The following TGM3 variants were observed in gnomAD, a reference collection of about 807,000 sequenced individuals.
TGM3 encodes the protein transglutaminase 3, also known as protein-glutamine gamma-glutamyltransferase E.
A neutral mutation model predicts 73.8 loss-of-function variants in TGM3; 52 were observed. The observed-to-expected ratio is 0.70, with a 90% CI of 0.56 to 0.89. The LOEUF is 0.89. Ranked by LOEUF, TGM3 falls within the 40% of genes least tolerant of loss-of-function variation. TGM3 has a pLI of 0.00. For missense variants in TGM3, 928 were observed against 909.9 expected (o/e 1.02, Z -0.26); for synonymous variants, 372 against 354.9 (o/e 1.05, Z -0.54).
chr20:2,316,403 A>G (rs2084233093), intron 5 of TGM3, among the ~76,000 whole-genome samples: 2 of 145,012 alleles, frequency 1.4e-5, no homozygotes, highest in East Asian at 2.1e-4. Context: ...CGTCTCTATT[A>G]AAAATACAAA....
At chr20:2,316,518 C>T (rs546250273) in intron 5 of TGM3, among the ~76,000 whole-genome samples, 3 of 151,916 alleles carry the variant, frequency 2.0e-5, no homozygotes, top group East Asian at 1.9e-4. Flanking sequence ...GCCAAGATCA[C>T]GCCACTGCAC....
At position 2,312,528 on chromosome 20, in the gene TGM3, G is replaced by A. The variant is rs148418745; in HGVS notation, c.541-370G>A. Among the ~76,000 whole-genome samples, 31 of 152,190 alleles carry A rather than the reference G, an allele frequency of 2.0e-4. No individual in the cohort carries two copies. The East Asian group carries it at 6.0e-3, about 29-fold the overall frequency. On this transcript the variant is annotated intron_variant, in intron 4 of 12. Transcript: ENST00000381458. ...TAAACAGCTTGCTCTTGAGGTTTGT[G>A]GCAGCCGGGGCGTCGGCTAGACCAA...
intron 9 of TGM3, 106 bp from the exon 10 acceptor site, chr20:2,331,896 A>C: frequency 7.5e-7 from 1 of 1,326,732 alleles, no homozygotes; most frequent in East Asian, 2.3e-5. Context: ...CTAGGGCAGC[A>C]ATGGAGCCAG....
intron 1 of TGM3, 88 bp from the exon 2 acceptor site, chr20:2,309,569 C>T: frequency 7.0e-7 from 1 of 1,434,922 alleles, no homozygotes; most frequent in Non-Finnish European, 9.6e-7. Context: ...AGCCTCACCC[C>T]AAAGCTGCTC....
intron 8 of TGM3, among the ~76,000 whole-genome samples, 172 bp from the exon 9 acceptor site, chr20:2,327,948 C>T (rs755387404): frequency 2.2e-4 from 34 of 152,118 alleles, no homozygotes; most frequent in Non-Finnish European, 3.7e-4. Flanking sequence ...AGAATCATAG[C>T]CCGGGAGGGT....
intron 11 of TGM3, among the ~76,000 whole-genome samples, chr20:2,338,702 A>G (rs2084364009): frequency 6.6e-6 from 1 of 152,256 alleles, no homozygotes; most frequent in African/African-American, 2.4e-5. Context: ...ATTAGTGACA[A>G]GAAAAACAAA....
chr20:2,316,738 A>C (rs1241367054), intron 5 of TGM3, among the ~76,000 whole-genome samples: 1 of 152,172 alleles, frequency 6.6e-6, no homozygotes, highest in Non-Finnish European at 1.5e-5. Flanking sequence ...AGTCCTCTGC[A>C]AGCTGGAGTT....
rs76264412 is a variant in TGM3 at position 2,334,140 on chromosome 20, G to C, written c.1643-976G>C. 6.6e-6 allele frequency among the ~76,000 whole-genome samples: 1 copy of C among 152,172 alleles called. No individual in the cohort carries two copies. Among genetic ancestry groups the C allele is most frequent in the Non-Finnish European group, 1.5e-5 (1 of 68,022 alleles). ...AGGGTCAGAAGAGAGGACTTAAAGC[G>C]TGGGGAAGGAGCCGGATGCATGGAG... On this transcript the variant is annotated intron_variant, in intron 10 of 12. Coordinates refer to ENST00000381458, the MANE Select transcript of TGM3 (RefSeq NM_003245.4). This position sits in a 1 kb window ranked among gnomAD's most constrained non-coding sequence, Gnocchi z 4.0.
At chr20:2,308,661 C>T (rs559546220) in intron 1 of TGM3, among the ~76,000 whole-genome samples, 1 of 152,302 alleles carries the variant, frequency 6.6e-6, no homozygotes, top group East Asian at 1.9e-4. Context: ...ATTGCTAGGC[C>T]TAGAAACACT....
rs57369938 is a variant in TGM3 at position 2,312,396 on chromosome 20, C to CAAAAAAAA, written c.541-484_541-477dup. On this transcript the variant is annotated intron_variant, in intron 4 of 12. Transcript: ENST00000381458. ...TGGGTGACAGAGCAAGACTCCGTCT[C>CAAAAAAAA]AAAAAAAAAAAAAAAAAAAAAAAAA... 5.0e-5 allele frequency among the ~76,000 whole-genome samples: 3 copies of CAAAAAAAA among 60,476 alleles called. 1 individual carries two copies. The highest frequency in any genetic ancestry group is 8.8e-5 in the Non-Finnish European group (3 of 33,972). The allele number at this position is 60,476 out of a possible 152,430, so 39.7% of individuals were successfully genotyped here.
chr20:2,307,235 G>A (rs977811673), intron 1 of TGM3, among the ~76,000 whole-genome samples: 4 of 152,078 alleles, frequency 2.6e-5, no homozygotes, highest in African/African-American at 9.7e-5. Context: ...TCTCTCCAGT[G>A]GCAGGTTGGC....
rs1348379342 is a variant in TGM3 at position 2,328,694 on chromosome 20, C to G, written c.1333+329C>G. On this transcript the variant is annotated intron_variant, in intron 9 of 12. Transcript: ENST00000381458. This position sits in a 1 kb window ranked among gnomAD's most constrained non-coding sequence, Gnocchi z 5.2. Reference sequence around the variant, plus strand: ...GAACATCACAGGGAGAGACATGGCCCCCATGAAAGGCCCCCAAGGGCTTTG... The same window carrying G: ...GAACATCACAGGGAGAGACATGGCCGCCATGAAAGGCCCCCAAGGGCTTTG... Among the ~76,000 whole-genome samples the G allele has an allele frequency of 1.3e-5, 2 of 152,224 alleles. No individual in the cohort carries two copies. Among genetic ancestry groups the G allele is most frequent in the African/African-American group, 4.8e-5 (2 of 41,444 alleles).
At chr20:2,340,308 G>A in intron 12 of TGM3, 126 bp from the exon 13 acceptor site, 2 of 1,391,430 alleles carry the variant, frequency 1.4e-6, no homozygotes, top group Non-Finnish European at 2.0e-6. Flanking sequence ...GAGACAGCTA[G>A]AGGGAGCTAA....
At chr20:2,340,326 G>T in intron 12 of TGM3, 108 bp from the exon 13 acceptor site, 1 of 1,490,092 alleles carries the variant, frequency 6.7e-7, no homozygotes, top group Non-Finnish European at 9.1e-7. Context: ...TAAAGAAGCA[G>T]TGGCCTTGCC....
chr20:2,332,374 G>T lies in TGM3; in HGVS notation c.1642+64G>T, dbSNP rs2084326317. 2 of 1,458,548 alleles carry T rather than the reference G, an allele frequency of 1.4e-6. No homozygotes were observed. Among genetic ancestry groups the T allele is most frequent in the Non-Finnish European group, 1.8e-6 (2 of 1,096,962 alleles). The allele number at this position is 1,458,548 out of a possible 1,614,324, so 90.4% of individuals were successfully genotyped here. On this transcript the variant is annotated intron_variant, in intron 10 of 12. Transcript: ENST00000381458. The surrounding 1 kb of genome is among the most constrained non-coding windows in gnomAD (Gnocchi z 4.4). ...AGGTAGCCAATGGCCTTCTGGGGCT[G>T]CAGGGTGTCTGCTGGGCTCCAGGTT...
chr20:2,306,793 A>T (rs1291429943), intron 1 of TGM3, among the ~76,000 whole-genome samples: 2 of 152,072 alleles, frequency 1.3e-5, no homozygotes, highest in Admixed American at 1.3e-4. Context: ...TCTTTTTTCT[A>T]AAGTGAGTAA....
Position 2,310,163 on chromosome 20 carries a change from T to C in TGM3, c.182-15T>C, listed in dbSNP as rs2084195621. On this transcript the variant is annotated splice_polypyrimidine_tract_variant and intron_variant, in intron 2 of 12. Coordinates refer to ENST00000381458, the MANE Select transcript of TGM3 (RefSeq NM_003245.4). ...AGTGCTTGTTGGTTTTCTCAACCTCTGTCTTCTTTGACAGGGCCTTACCCC... is the reference window on the plus strand; with the variant it reads ...AGTGCTTGTTGGTTTTCTCAACCTCCGTCTTCTTTGACAGGGCCTTACCCC... 2 of 1,613,830 alleles carry C rather than the reference T, an allele frequency of 1.2e-6. No homozygotes were observed. The highest frequency in any genetic ancestry group is 1.3e-5 in the African/African-American group (1 of 75,084).
chr20:2,309,448 C>T (rs2084191212), intron 1 of TGM3, among the ~76,000 whole-genome samples: 1 of 152,190 alleles, frequency 6.6e-6, no homozygotes, highest in South Asian at 2.1e-4. Context: ...GCTGGCATAA[C>T]TGAGTCTGGA....
At chr20:2,304,357 G>A (rs1340512760) in intron 1 of TGM3, among the ~76,000 whole-genome samples, 6 of 152,170 alleles carry the variant, frequency 3.9e-5, no homozygotes, top group Non-Finnish European at 7.3e-5. Flanking sequence ...TGATGAGCAC[G>A]CTCTCAGCTG....
Sources: allele counts gnomAD v4.1 joint callset (sites outside exome capture counted in the v4.1 genomes callset), GRCh38; gene constraint gnomAD v4.1.1; non-coding constraint Gnocchi (gnomAD v3.1); transcripts MANE v1.5; gene names NCBI Gene and HGNC (gene_info 2026-07-23, HGNC 2026-07-21).